The following TAAR2 variants were observed in gnomAD, a reference collection of about 807,000 sequenced individuals.
TAAR2 encodes trace amine associated receptor 2.
Under a neutral mutation model 25.5 loss-of-function variants are expected in TAAR2, and 30 were observed. The observed-to-expected ratio is 1.18, with a 90% CI of 0.88 to 1.60. TAAR2 has a LOEUF of 1.60. TAAR2 is among the 40% of genes most tolerant of loss of function. TAAR2 has a pLI of 0.00. For missense variants in TAAR2, 481 were observed against 416.5 expected, an observed-to-expected ratio of 1.15 and a Z score of -1.35; for synonymous variants, 150 against 142.4, an observed-to-expected ratio of 1.05 and a Z score of -0.38.
Position 132,617,275 on chromosome 6 carries a change from T to C in TAAR2, c.931A>G (p.Asn311Asp). 1.2e-6 allele frequency: 2 copies of C among 1,613,802 alleles called. No homozygotes were observed. Among genetic ancestry groups the C allele is most frequent in the Non-Finnish European group, 1.7e-6 (2 of 1,179,930 alleles). The stretch of plus-strand genomic sequence containing the variant: ...TAGAAGAAACCATATATTAACGGAT[T>C]ACATGTGGAGTTAAAATAGCCAAAC... ...TWFGYFNSTCNPLIYGFFYPW... is the reference protein window; with the variant it reads ...TWFGYFNSTCDPLIYGFFYPW... The change falls in exon 2 of 2, where the codon AAT becomes GAT. Residue 311 changes from asparagine (N) to aspartate (D), a missense_variant. Asn to Asp is a conservative substitution (Grantham distance 23). Coordinates refer to ENST00000367931, the MANE Select transcript of TAAR2 (RefSeq NM_001033080.1).
At chr6:132,622,216 A>G (rs993079506) in intron 1 of TAAR2, among the ~76,000 whole-genome samples, 3 of 151,902 alleles carry the variant, frequency 2.0e-5, no homozygotes, top group Admixed American at 2.0e-4. Flanking sequence ...AATAAATTTT[A>G]TTCTACTAAA....
intron 1 of TAAR2, 125 bp downstream of exon 1, chr6:132,624,091 C>T (rs1374373803): frequency 6.9e-5 from 64 of 930,960 alleles, no homozygotes; most frequent in Non-Finnish European, 6.7e-5. Flanking sequence ...GAACACATTT[C>T]ATCAACCCTT....
At position 132,617,698 on chromosome 6, in the gene TAAR2, C is replaced by A. The variant is rs143720134; in HGVS notation, c.508G>T (p.Val170Phe). ...ACCCCGAAGGCAAATGCTCCAGGGA[C>A]CGACCAACATAGAAGTAGCAATCTT... ...IKRLLLLCWSVPGAFAFGVVF... is the reference protein window; with the variant it reads ...IKRLLLLCWSFPGAFAFGVVF... The change falls in exon 2 of 2, where the codon GTC becomes TTC. Residue 170 changes from valine (V) to phenylalanine (F), a missense_variant. Physicochemically the swap from Val to Phe is conservative, Grantham distance 50 (BLOSUM62 -1). Coordinates refer to ENST00000367931, the MANE Select transcript of TAAR2 (RefSeq NM_001033080.1). 11 of 1,613,702 alleles carry A rather than the reference C, an allele frequency of 6.8e-6. No individual in the cohort carries two copies. The African/African-American group carries it at 8.0e-5, about 12-fold the overall frequency.
rs781113432 is a variant in TAAR2, at chr6:132,617,513, T to C, written c.693A>G (p.Lys231=). 6.2e-7 allele frequency: 1 copy of C among 1,613,974 alleles called. No homozygotes were observed. Among genetic ancestry groups the C allele is most frequent in the South Asian group, 1.1e-5 (1 of 91,080 alleles). Residue 231 remains lysine, a synonymous_variant, in exon 2 of 2, where the codon AAA becomes AAG. Coordinates refer to ENST00000367931, the MANE Select transcript of TAAR2 (RefSeq NM_001033080.1). ...PGSMMVGIYG[K]IFAVSRKHAH... is the part of the protein sequence containing the mutation. ...CATGTTTTCTGGATACTGCAAAAAT[T>C]TTGCCATAAATCCCCACCATCATAG...
Position 132,624,088 on chromosome 6 carries a change from T to G in TAAR2, c.60+128A>C, listed in dbSNP as rs187651156. ...TGATAAATGTGATTAAAAGAACACA[T>G]TTCATCAACCCTTTTAGATCTGGAG... is the stretch of plus-strand genomic sequence containing the variant. On this transcript the variant is annotated intron_variant, in intron 1 of 1. Transcript: ENST00000367931. 3.4e-4 allele frequency: 313 copies of G among 916,922 alleles called. 2 individuals carry two copies. Among genetic ancestry groups the G allele is most frequent in the Middle Eastern group, 2.5e-3 (10 of 4,056 alleles). 56.8% of individuals were successfully genotyped at this position (916,922 alleles called of 1,614,324 possible). A position where few individuals can be genotyped will look rare whatever the true frequency, so the allele number is the denominator to read the frequency against.
chr6:132,620,978 C>G (rs1777364252), intron 1 of TAAR2, among the ~76,000 whole-genome samples: 1 of 151,868 alleles, frequency 6.6e-6, no homozygotes, highest in African/African-American at 2.4e-5. Flanking sequence ...TTCTTGTTAG[C>G]CACCTACTGA....
In TAAR2 at chr6:132,617,917, T is replaced by C; in HGVS notation, c.289A>G (p.Met97Val). ...ITDFLLGFTI[M>V]PYSMIRSVEN... ...ACCGATCTGATCATACTATATGGCA[T>C]GATGGTGAATCCCAGGAGGAAATCA... Residue 97 changes from methionine to valine, a missense_variant, in exon 2 of 2, where the codon ATG becomes GTG. By Grantham distance (21) the Met-to-Val change is conservative (BLOSUM62 1). Transcript: ENST00000367931. 6.2e-7 allele frequency: 1 copy of C among 1,614,046 alleles called. No individual in the cohort carries two copies. Among genetic ancestry groups the C allele is most frequent in the Non-Finnish European group, 8.5e-7 (1 of 1,179,970 alleles).
In TAAR2 at chr6:132,617,215, G is replaced by T; in HGVS notation, c.991C>A (p.Leu331Ile). The T allele has an allele frequency of 6.2e-7, 1 of 1,608,542 alleles. No individual in the cohort carries two copies. Among genetic ancestry groups the T allele is most frequent in the South Asian group, 1.1e-5 (1 of 89,064 alleles). ...WFRRALKYIL[L>I]GKIFSSCFHN... is the part of the protein sequence containing the mutation. The stretch of plus-strand genomic sequence containing the variant: ...AAACATGAGCTGAAAATTTTACCTA[G>T]CAAAATGTACTTCAGTGCTCTGCGA... Residue 331 changes from leucine to isoleucine, a missense_variant, in exon 2 of 2, where the codon CTA (leucine) becomes ATA (isoleucine). Leu to Ile is a conservative substitution (Grantham distance 5, BLOSUM62 2). Coordinates refer to ENST00000367931, the MANE Select transcript of TAAR2 (RefSeq NM_001033080.1).
At chr6:132,624,092 A>T (rs887667424) in intron 1 of TAAR2, 124 bp downstream of exon 1, 5 of 945,354 alleles carry the variant, frequency 5.3e-6, no homozygotes, top group Admixed American at 4.6e-5. Context: ...AACACATTTC[A>T]TCAACCCTTT....
rs1156767001 is a variant in TAAR2, at chr6:132,622,478, C to CTTTTTTTTTTTT, written c.60+1726_60+1737dup. On this transcript the variant is annotated intron_variant, in intron 1 of 1. Transcript: ENST00000367931. ...AAATATTCCTCTGCTTTAGTAACCA[C>CTTTTTTTTTTTT]TTTTTTTTTTTTTTTTTTTTTTTTT... Among the ~76,000 whole-genome samples, 33 of 57,400 alleles carry CTTTTTTTTTTTT rather than the reference C, an allele frequency of 5.7e-4. 4 individuals carry two copies. The highest frequency in any genetic ancestry group is 2.4e-3 in the African/African-American group (30 of 12,384). 37.7% of individuals were successfully genotyped at this position (57,400 alleles called of 152,430 possible). A position where few individuals can be genotyped will look rare whatever the true frequency, so the allele number is the denominator to read the frequency against.
At chr6:132,620,363 C>T (rs1777356241) in intron 1 of TAAR2, among the ~76,000 whole-genome samples, 1 of 152,326 alleles carries the variant, frequency 6.6e-6, no homozygotes, top group African/African-American at 2.4e-5. Context: ...TACCAAACTG[C>T]ATTTGAGGTC....
rs142577385 is a variant in TAAR2, at chr6:132,617,799, G to A, written c.407C>T (p.Ser136Leu). The stretch of plus-strand genomic sequence containing the variant: ...AGCATAAAATCTATCAATGGCCACT[G>A]AGCAAAGATGAAAAATGGATGTTAT... The part of the protein sequence containing the change: ...LSITSIFHLC[S>L]VAIDRFYAIC... The change falls in exon 2 of 2, where the codon TCA (serine) becomes TTA (leucine). Residue 136 changes from serine (S) to leucine (L), a missense_variant. By Grantham distance (145) the Ser-to-Leu change is moderately radical. Coordinates refer to ENST00000367931, the MANE Select transcript of TAAR2 (RefSeq NM_001033080.1). The A allele has an allele frequency of 1.7e-4, 267 of 1,614,038 alleles. No homozygotes were observed. Among genetic ancestry groups the A allele is most frequent in the Non-Finnish European group, 2.1e-4 (244 of 1,179,986 alleles).
intron 1 of TAAR2, among the ~76,000 whole-genome samples, chr6:132,619,172 G>A (rs141079553): frequency 1.4e-4 from 22 of 152,296 alleles, no homozygotes; most frequent in African/African-American, 4.8e-4. Flanking sequence ...GTTGCCATGC[G>A]TAGGCCACAC....
At chr6:132,620,816 C>G (rs9483486) in intron 1 of TAAR2, among the ~76,000 whole-genome samples, 2 of 151,238 alleles carry the variant, frequency 1.3e-5, no homozygotes, top group Non-Finnish European at 1.5e-5. Context: ...AGTTAAAAAA[C>G]ACACATTAAA....
At position 132,617,506 on chromosome 6, in the gene TAAR2, C is replaced by CA. The variant is rs1414846165; in HGVS notation, c.699dup (p.Ala234CysfsTer12). ...GCATGAGCATGTTTTCTGGATACTG[C>CA]AAAAATTTTGCCATAAATCCCCACC... On this transcript the variant is annotated frameshift_variant, in exon 2 of 2. Transcript: ENST00000367931. LOFTEE classifies it high-confidence loss of function. The CA allele has an allele frequency of 6.2e-7, 1 of 1,613,954 alleles. No individual in the cohort carries two copies. The highest frequency in any genetic ancestry group is 8.5e-7 in the Non-Finnish European group (1 of 1,179,962).
chr6:132,623,157 A>C (rs1336370892), intron 1 of TAAR2, among the ~76,000 whole-genome samples: 2 of 152,200 alleles, frequency 1.3e-5, no homozygotes, highest in Non-Finnish European at 1.5e-5. Flanking sequence ...GAAAAAGGCC[A>C]GGTAACTGTC....
In TAAR2 at chr6:132,617,163, T is replaced by C. The variant is rs1377394258; in HGVS notation, c.1043A>G (p.Lys348Arg). 3.8e-6 allele frequency: 6 copies of C among 1,578,956 alleles called. No individual in the cohort carries two copies. In the South Asian group the frequency reaches 7.1e-5, roughly 19 times the overall value. Residue 348 changes from lysine (K) to arginine (R), a missense_variant, in exon 2 of 2, where the codon AAA (lysine) becomes AGA (arginine). Coordinates refer to ENST00000367931, the MANE Select transcript of TAAR2 (RefSeq NM_001033080.1). ...TGCAGAAAAAGCCTACTCACTTTCT[T>C]TTTGCATACACAAAATAGTATTATG... ...CFHNTILCMQKESE is the reference protein window; with the variant it reads ...CFHNTILCMQRESE
At chr6:132,620,219 C>A (rs1777354679) in intron 1 of TAAR2, among the ~76,000 whole-genome samples, 1 of 152,214 alleles carries the variant, frequency 6.6e-6, no homozygotes, top group African/African-American at 2.4e-5. Flanking sequence ...CCTCGTTATT[C>A]TTCCTCCTCA....
rs764889439 is a variant in TAAR2, at chr6:132,617,660, C to G, written c.546G>C (p.Glu182Asp). The change falls in exon 2 of 2, where the codon GAG becomes GAC. Residue 182 changes from glutamate to aspartate, a missense_variant. Physicochemically the swap from Glu to Asp is conservative, Grantham distance 45. Coordinates refer to ENST00000367931, the MANE Select transcript of TAAR2 (RefSeq NM_001033080.1). ...AGCCCTCTATTCCATCTGCATAGGC[C>G]TCTGAGAAGACCACCCCGAAGGCAA... is the stretch of plus-strand genomic sequence containing the variant. Reference protein sequence around the residue: ...GAFAFGVVFSEAYADGIEGYD... With the variant: ...GAFAFGVVFSDAYADGIEGYD... 1 of 1,613,888 alleles carries G rather than the reference C, an allele frequency of 6.2e-7. No homozygotes were observed. Among genetic ancestry groups the G allele is most frequent in the Non-Finnish European group, 8.5e-7 (1 of 1,179,976 alleles).
Sources: gnomAD v4.1 joint callset for allele counts (sites outside exome capture counted in the v4.1 genomes callset) on GRCh38, gnomAD v4.1.1 for gene constraint, MANE v1.5 for transcripts, NCBI Gene and HGNC (gene_info 2026-07-23, HGNC 2026-07-21) for gene names.